The following ATG16L2 variants were observed in gnomAD, a reference collection of about 807,000 sequenced individuals.
ATG16L2 encodes the protein protein Atg16l2.
In ATG16L2, 77 loss-of-function variants were observed where a neutral mutation model predicts 84.7. That is an observed-to-expected ratio of 0.91 (90% CI 0.76 to 1.10). The LOEUF is 1.10. ATG16L2 is among the 50% of genes least tolerant of loss of function. The pLI, the probability that ATG16L2 is intolerant of heterozygous loss-of-function variation, is 0.00. For missense variants in ATG16L2, 782 were observed against 817.6 expected, an observed-to-expected ratio of 0.96 and a Z score of 0.53; for synonymous variants, 361 against 342.8, an observed-to-expected ratio of 1.05 and a Z score of -0.59.
At chr11:72,843,224 G>C (rs1861019190) in exon 6 of ATG16L2, 1 of 1,613,904 alleles carries the variant, frequency 6.2e-7, no homozygotes, top group Non-Finnish European at 8.5e-7. Flanking sequence ...GTGACCGACT[G>C]TCCAAAGCGG....
intron 3 of ATG16L2, chr11:72,818,925 C>T (rs75528386): frequency 6.6e-6 from 1 of 152,128 alleles, no homozygotes; most frequent in South Asian, 2.1e-4. Context: ...CATTTGAGAA[C>T]CTTTCCCTAG....
intron 7 of ATG16L2, 75 bp downstream of exon 7, chr11:72,823,036 A>C: frequency 9.4e-7 from 1 of 1,068,346 alleles, no homozygotes. Flanking sequence ...TTCCTCTTGG[A>C]CCTTGGAGCC....
At chr11:72,835,083 G>A (rs1244353270) in intron 5 of ATG16L2, among the ~76,000 whole-genome samples, 2 of 152,238 alleles carry the variant, frequency 1.3e-5, no homozygotes, top group African/African-American at 2.4e-5. Context: ...CATGCATCAA[G>A]TCAGTTCCTG....
In ATG16L2 at chr11:72,822,919, C is replaced by T; in HGVS notation, c.782C>T (p.Pro261Leu). 6.3e-7 allele frequency: 1 copy of T among 1,579,140 alleles called. No homozygotes were observed. The highest frequency in any genetic ancestry group is 8.6e-7 in the Non-Finnish European group (1 of 1,162,252). ...CTGGCTCTGGCCCCTGAGCCAGAGCCCCTGGAGAAGGAAGCTTGTGAGAAG... is the reference window on the plus strand; with the variant it reads ...CTGGCTCTGGCCCCTGAGCCAGAGCTCCTGGAGAAGGAAGCTTGTGAGAAG... ...ETLALAPEPE[P>L]LEKEACEKWK... Residue 261 changes from proline to leucine, a missense_variant, in exon 7 of 18, where the codon CCC becomes CTC. By Grantham distance (98) the Pro-to-Leu change is moderately conservative. Coordinates refer to ENST00000321297, the MANE Select transcript of ATG16L2 (RefSeq NM_033388.2). The surrounding 1 kb of genome is among the most constrained non-coding windows in gnomAD (Gnocchi z 4.2).
chr11:72,827,755 AT>A (rs1002640371), intron 14 of ATG16L2, among the ~76,000 whole-genome samples: 1 of 152,124 alleles, frequency 6.6e-6, no homozygotes, highest in African/African-American at 2.4e-5. Context: ...CCTAGCCAAC[AT>A]GGCGAAACCC....
At position 72,816,845 on chromosome 11, in the gene ATG16L2, C is replaced by G. The variant is rs201194597; in HGVS notation, c.218+18C>G. The stretch of plus-strand genomic sequence containing the variant: ...GGCCCCTGGTAAGTGTATGTGGGTC[C>G]GTGGTCACAAAGGGCTGCCTGTGCT... On this transcript the variant is annotated intron_variant, in intron 2 of 17. Transcript: ENST00000321297. 6.2e-7 allele frequency: 1 copy of G among 1,605,704 alleles called. No homozygotes were observed. Among genetic ancestry groups the G allele is most frequent in the Non-Finnish European group, 8.5e-7 (1 of 1,172,468 alleles).
intron 15 of ATG16L2, 36 bp from the exon 16 acceptor site, chr11:72,828,693 G>A (rs774601753): frequency 6.2e-7 from 1 of 1,613,336 alleles, no homozygotes; most frequent in Non-Finnish European, 8.5e-7. Context: ...GACTAGTGAT[G>A]ACCTCTGTTC....
intron 9 of ATG16L2, among the ~76,000 whole-genome samples, 160 bp from the exon 10 acceptor site, chr11:72,825,142 G>T (rs1860266442): frequency 6.6e-6 from 1 of 152,150 alleles, no homozygotes; most frequent in Non-Finnish European, 1.5e-5. Flanking sequence ...CACCTGGTGG[G>T]GCCGGGTTTG....
At chr11:72,837,735 A>C (rs1252287359) in intron 5 of ATG16L2, 1 of 152,206 alleles carries the variant, frequency 6.6e-6, no homozygotes, top group Non-Finnish European at 1.5e-5. Flanking sequence ...TCCACGAGCC[A>C]CCAGGTTCTT....
chr11:72,827,831 G>A (rs1350356348), intron 14 of ATG16L2, among the ~76,000 whole-genome samples: 3 of 152,216 alleles, frequency 2.0e-5, no homozygotes, highest in East Asian at 1.9e-4. Flanking sequence ...TACTTGGGAG[G>A]CTGAGGCAGG....
rs555444484 is a variant in ATG16L2, at chr11:72,841,471, C to T, written c.*22-1146C>T. Reference sequence around the variant, plus strand: ...ACCCTTACCGTTTGCTGAAGGAGACCGGGGAAAGTACAGGGAGCTCCTCTT... The same window carrying T: ...ACCCTTACCGTTTGCTGAAGGAGACTGGGGAAAGTACAGGGAGCTCCTCTT... On this transcript the variant is annotated intron_variant, in intron 5 of 5. Transcript: ENST00000534905. 112 of 1,610,514 alleles carry T rather than the reference C, an allele frequency of 7.0e-5. 1 individual carries two copies. The highest frequency in any genetic ancestry group is 6.2e-4 in the South Asian group (56 of 90,240).
At chr11:72,841,849 G>A (rs1860963780) in intron 5 of ATG16L2, among the ~76,000 whole-genome samples, 1 of 151,952 alleles carries the variant, frequency 6.6e-6, no homozygotes, top group Non-Finnish European at 1.5e-5. Context: ...TACTCTCTAG[G>A]GTTCTATTGA....
At position 72,828,987 on chromosome 11, in the gene ATG16L2, G is replaced by A; in HGVS notation, c.1772+3G>A. 1 of 1,613,952 alleles carries A rather than the reference G, an allele frequency of 6.2e-7. No individual in the cohort carries two copies. The highest frequency in any genetic ancestry group is 8.5e-7 in the Non-Finnish European group (1 of 1,179,884). On this transcript the variant is annotated splice_donor_region_variant and intron_variant, in intron 17 of 17. Transcript: ENST00000321297. ...AGCAGACTACAGGGACCCCATTGGT[G>A]AGCATGGCCTCCACCTGGCCACCTG... is the stretch of plus-strand genomic sequence containing the variant.
intron 1 of ATG16L2, 49 bp from the exon 2 acceptor site, chr11:72,816,679 C>A: frequency 1.4e-6 from 2 of 1,457,146 alleles, no homozygotes; most frequent in South Asian, 2.3e-5. Flanking sequence ...TGCCAGGGGG[C>A]TGCTGGGTAT....
At position 72,828,486 on chromosome 11, in the gene ATG16L2, A is replaced by C; in HGVS notation, c.1600A>C (p.Ser534Arg). ...NTLKVIDLRV[S>R]NIRQVFRADG... is the part of the protein sequence containing the mutation. ...ACTCAAGGTCATCGACCTGCGTGTC[A>C]GCAACATCCGCCAGGTGTTCAGGTA... The change falls in exon 15 of 18, where the codon AGC (serine) becomes CGC (arginine). Residue 534 changes from serine to arginine, a missense_variant. Physicochemically the swap from Ser to Arg is moderately radical, Grantham distance 110 (BLOSUM62 -1). Transcript: ENST00000321297. 6.2e-7 allele frequency: 1 copy of C among 1,614,164 alleles called. No homozygotes were observed. Among genetic ancestry groups the C allele is most frequent in the South Asian group, 1.1e-5 (1 of 91,088 alleles).
At position 72,841,658 on chromosome 11, in the gene ATG16L2, T is replaced by C. The variant is rs1591329791; in HGVS notation, c.*22-959T>C. The C allele has an allele frequency of 1.9e-5, 27 of 1,405,086 alleles. No individual in the cohort carries two copies. In the East Asian group the frequency reaches 6.7e-4, roughly 35 times the overall value. 87.0% of individuals were successfully genotyped at this position (1,405,086 alleles called of 1,614,324 possible). ...AGCCTGGCTGCTTCTCTGACTGCTC[T>C]GTACTCATGCCTTTTCTCTAAAGCT... On this transcript the variant is annotated intron_variant, in intron 5 of 5. Transcript: ENST00000534905.
chr11:72,841,688 T>G (rs1860957650), intron 5 of ATG16L2: 1 of 1,241,810 alleles, frequency 8.1e-7, no homozygotes, highest in African/African-American at 1.5e-5. Flanking sequence ...AAAGCTAAGC[T>G]GATTGTTGAA....
Position 72,824,815 on chromosome 11 carries a change from A to T in ATG16L2, c.969A>T (p.Arg323=), listed in dbSNP as rs1465312077. The part of the protein sequence containing the change: ...YQIIPVCVAA[R]LPTRAQDVLD... Reference sequence around the variant, plus strand: ...TCATCCCTGTGTGTGTGGCTGCCCGACTTCCTACCCGGGCTCAGGATGTGC... The same window carrying T: ...TCATCCCTGTGTGTGTGGCTGCCCGTCTTCCTACCCGGGCTCAGGATGTGC... Residue 323 remains arginine, a synonymous_variant, in exon 9 of 18, where the codon CGA becomes CGT. Coordinates refer to ENST00000321297, the MANE Select transcript of ATG16L2 (RefSeq NM_033388.2). 1.9e-6 allele frequency: 3 copies of T among 1,601,670 alleles called. No individual in the cohort carries two copies. In the African/African-American group the frequency reaches 4.0e-5, roughly 21 times the overall value.
chr11:72,829,609 C>A lies in ATG16L2; in HGVS notation c.*219C>A. Reference sequence around the variant, plus strand: ...TATCTCTATCTCCTCACTTTTTCTCCCAAAGTAGAAAAAAATGATATCTGA... The same window carrying A: ...TATCTCTATCTCCTCACTTTTTCTCACAAAGTAGAAAAAAATGATATCTGA... On this transcript the variant is annotated 3_prime_UTR_variant, in exon 18 of 18. Coordinates refer to ENST00000321297, the MANE Select transcript of ATG16L2 (RefSeq NM_033388.2). 1 of 1,351,148 alleles carries A rather than the reference C, an allele frequency of 7.4e-7. No homozygotes were observed. The highest frequency in any genetic ancestry group is 9.5e-7 in the Non-Finnish European group (1 of 1,051,206). 83.7% of individuals were successfully genotyped at this position (1,351,148 alleles called of 1,614,324 possible).
Sources: allele counts gnomAD v4.1 joint callset (sites outside exome capture counted in the v4.1 genomes callset), GRCh38; gene constraint gnomAD v4.1.1; non-coding constraint Gnocchi (gnomAD v3.1); transcripts MANE v1.5; gene names NCBI Gene and HGNC (gene_info 2026-07-23, HGNC 2026-07-21).